Variants in TCEA1 observed in about 807,000 individuals in gnomAD.
The protein encoded by TCEA1 is transcription elongation factor A1, also known as transcription elongation factor A protein 1.
In TCEA1, 21 loss-of-function variants were observed where a neutral mutation model predicts 43.8. The observed-to-expected ratio is 0.48, with a 90% CI of 0.34 to 0.69. The LOEUF (loss-of-function observed/expected upper bound fraction) is 0.69. TCEA1 is among the 30% of genes least tolerant of loss of function. The probability of loss-of-function intolerance (pLI) is 0.01; values close to 1 mark genes in which losing one functional copy is unlikely to be tolerated. For synonymous variants in TCEA1, 104 were observed against 117.5 expected (o/e 0.88, Z 0.75); for missense variants, 250 against 365.1 (o/e 0.68, Z 2.57).
rs115724223 is a variant in TCEA1, at chr8:54,003,903, T to C, written c.127-3853A>G. On this transcript the variant is annotated intron_variant, in intron 2 of 9. Coordinates refer to ENST00000521604, the MANE Select transcript of TCEA1 (RefSeq NM_006756.4). ...AACTCTATGTCTGATAAGCGACTTG[T>C]ATTTGGAATATATAAAGAACTATTA... Among the ~76,000 whole-genome samples, 620 of 151,422 alleles carry C rather than the reference T, an allele frequency of 4.1e-3. 4 individuals are homozygous for C. Among genetic ancestry groups the C allele is most frequent in the African/African-American group, 0.014 (591 of 41,280 alleles).
intron 1 of TCEA1, among the ~76,000 whole-genome samples, chr8:54,019,295 C>T (rs755350837): frequency 3.9e-5 from 6 of 152,036 alleles, no homozygotes; most frequent in Non-Finnish European, 8.8e-5. Flanking sequence ...TCAGGCTGGG[C>T]GCAGTGGCTC....
rs74304176 is a variant in TCEA1, at chr8:53,984,963, T to C, written c.524-446A>G. On this transcript the variant is annotated intron_variant, in intron 6 of 9. Coordinates refer to ENST00000521604, the MANE Select transcript of TCEA1 (RefSeq NM_006756.4). ...AGAGTATGTTAAAAACAAGGTACTATATCTAATTCCTTGAGCTGTAATTGG... is the reference window on the plus strand; with the variant it reads ...AGAGTATGTTAAAAACAAGGTACTACATCTAATTCCTTGAGCTGTAATTGG... Among the ~76,000 whole-genome samples the C allele has an allele frequency of 2.5e-3, 378 of 152,264 alleles. 14 individuals carry two copies. The East Asian group carries it at 0.065, about 26-fold the overall frequency.
intron 1 of TCEA1, 69 bp downstream of exon 1, chr8:54,021,994 G>C (rs995950366): frequency 7.2e-7 from 1 of 1,385,528 alleles, no homozygotes; most frequent in Non-Finnish European, 9.5e-7. Flanking sequence ...GAAGGAGGGA[G>C]GGGGCGGCCC....
chr8:53,978,909 T>C (rs897448316), intron 8 of TCEA1, 116 bp downstream of exon 8: 1 of 1,263,250 alleles, frequency 7.9e-7, no homozygotes, highest in African/African-American at 1.5e-5. Context: ...TTAGAACATA[T>C]CCCTCCATGG....
At chr8:54,019,310 C>T (rs187841208) in intron 1 of TCEA1, among the ~76,000 whole-genome samples, 209 of 152,284 alleles carry the variant, frequency 1.4e-3, no homozygotes, top group African/African-American at 3.7e-3. Flanking sequence ...TGGCTCACAT[C>T]TGTAATCCCA....
In TCEA1 at chr8:54,022,167, G is replaced by A. The variant is rs540050347; in HGVS notation, c.-42C>T. ...CTCCGCGCCCACCCCGCTGGCAAGG[G>A]GAAGTGGGCGAAGCTGGAGCGGAAG... On this transcript the variant is annotated 5_prime_UTR_variant, in exon 1 of 10. Coordinates refer to ENST00000521604, the MANE Select transcript of TCEA1 (RefSeq NM_006756.4). 1.1e-5 allele frequency: 17 copies of A among 1,591,026 alleles called. No homozygotes were observed. The Admixed American group carries it at 1.2e-4, about 11-fold the overall frequency.
At chr8:53,975,153 A>G (rs944061731) in intron 8 of TCEA1, among the ~76,000 whole-genome samples, 15 of 152,124 alleles carry the variant, frequency 9.9e-5, no homozygotes, top group Non-Finnish European at 2.1e-4. Context: ...AAATTTTAAA[A>G]GAGAGGGAAA....
chr8:53,969,049 G>A lies in TCEA1; in HGVS notation c.898-937C>T, dbSNP rs191218653. ...TCACGCCTGTAATCCCAGCACTTTC[G>A]GAGGCCAAGGCAGGCAGATAACCTG... is the stretch of plus-strand genomic sequence containing the variant. On this transcript the variant is annotated intron_variant, in intron 9 of 9. Coordinates refer to ENST00000521604, the MANE Select transcript of TCEA1 (RefSeq NM_006756.4). 3.0e-3 allele frequency among the ~76,000 whole-genome samples: 462 copies of A among 152,190 alleles called. 5 individuals carry two copies. Among genetic ancestry groups the A allele is most frequent in the South Asian group, 6.6e-3 (32 of 4,818 alleles).
At position 53,993,777 on chromosome 8, in the gene TCEA1, A is replaced by C. The variant is rs1378848174; in HGVS notation, c.233-22T>G. 1.9e-6 allele frequency: 3 copies of C among 1,595,064 alleles called. No homozygotes were observed. In the Admixed American group the frequency reaches 5.2e-5, roughly 28 times the overall value. On this transcript the variant is annotated intron_variant, in intron 3 of 9. Coordinates refer to ENST00000521604, the MANE Select transcript of TCEA1 (RefSeq NM_006756.4). Reference sequence around the variant, plus strand: ...CCATCTGAAAATTATGAAATCTCTTAAGTTGCTAGCATTTGTAAAAACTAA... The same window carrying C: ...CCATCTGAAAATTATGAAATCTCTTCAGTTGCTAGCATTTGTAAAAACTAA...
chr8:54,022,016 A>G (rs1805055342), intron 1 of TCEA1, 47 bp downstream of exon 1: 3 of 1,529,000 alleles, frequency 2.0e-6, no homozygotes, highest in Non-Finnish European at 2.6e-6. Flanking sequence ...CTCGGGCCGG[A>G]CCGCGGCCCG....
intron 3 of TCEA1, among the ~76,000 whole-genome samples, chr8:53,996,953 T>A (rs1804075706): frequency 7.0e-6 from 1 of 142,080 alleles, no homozygotes; most frequent in Non-Finnish European, 1.5e-5. Flanking sequence ...AGGCTGGAGT[T>A]CAGTGGCGCG....
At chr8:54,010,188 G>C (rs1804607373) in intron 2 of TCEA1, 1 of 393,296 alleles carries the variant, frequency 2.5e-6, no homozygotes, top group Non-Finnish European at 4.5e-6. Flanking sequence ...CTCACAGTGA[G>C]ATTTCACTGC....
intron 2 of TCEA1, among the ~76,000 whole-genome samples, chr8:54,003,502 G>A (rs1300708001): frequency 6.6e-6 from 1 of 152,180 alleles, no homozygotes; most frequent in Non-Finnish European, 1.5e-5. Flanking sequence ...TGGACGCGCA[G>A]ATCAATGGGA....
intron 3 of TCEA1, among the ~76,000 whole-genome samples, chr8:53,994,808 T>G (rs556603632): frequency 2.0e-5 from 3 of 150,158 alleles, no homozygotes; most frequent in Non-Finnish European, 4.4e-5. Context: ...GAGGCGGAGG[T>G]TGCAGTGAGC....
rs1279472583 is a variant in TCEA1, at chr8:53,976,589, G to C, written c.825+2436C>G. Among the ~76,000 whole-genome samples, 3 of 152,176 alleles carry C rather than the reference G, an allele frequency of 2.0e-5. No homozygotes were observed. In the East Asian group the frequency reaches 5.8e-4, roughly 29 times the overall value. ...TTAGGCTGGGTTCCTTTTGCTAAAA[G>C]AAACAAACTTGGTATTTATGTTTTT... is the stretch of plus-strand genomic sequence containing the variant. On this transcript the variant is annotated intron_variant, in intron 8 of 9. Transcript: ENST00000521604.
intron 3 of TCEA1, among the ~76,000 whole-genome samples, chr8:53,997,430 ATACAC>A (rs1244520140): frequency 2.6e-5 from 4 of 152,144 alleles, no homozygotes; most frequent in Admixed American, 6.5e-5. Flanking sequence ...AGGAAAAACA[ATACAC>A]TATACAGTGT....
chr8:53,979,084 T>C lies in TCEA1; in HGVS notation c.766A>G (p.Thr256Ala). The change falls in exon 8 of 10, where the codon ACC (threonine) becomes GCC (alanine). Residue 256 changes from threonine to alanine, a missense_variant. By Grantham distance (58) the Thr-to-Ala change is moderately conservative (BLOSUM62 0). Around this residue, in one of 4 missense-constraint regions of TCEA1, gnomAD observed 46 missense variants for 109.8 expected, o/e 0.42. Transcript: ENST00000521604. ...REHQMAKTGG[T>A]QTDLFTCGKC... Reference sequence around the variant, plus strand: ...CCACATGTGAACAAGTCAGTCTGGGTCCCACCAGTCTTGGCCATCTGATGC... The same window carrying C: ...CCACATGTGAACAAGTCAGTCTGGGCCCCACCAGTCTTGGCCATCTGATGC... 4 of 1,613,816 alleles carry C rather than the reference T, an allele frequency of 2.5e-6. No homozygotes were observed. In the South Asian group the frequency reaches 4.4e-5, roughly 18 times the overall value.
At chr8:53,994,292 C>G (rs1803976973) in intron 3 of TCEA1, among the ~76,000 whole-genome samples, 1 of 152,102 alleles carries the variant, frequency 6.6e-6, no homozygotes, top group Admixed American at 6.5e-5. Flanking sequence ...CTGCAGTGAG[C>G]CAAGATCACA....
At chr8:54,020,597 C>T (rs940534200) in intron 1 of TCEA1, among the ~76,000 whole-genome samples, 1 of 152,172 alleles carries the variant, frequency 6.6e-6, no homozygotes, top group Admixed American at 6.5e-5. Flanking sequence ...TGGGTCCTGG[C>T]TTATTCCAAA....
Sources: gnomAD v4.1 joint callset for allele counts (sites outside exome capture counted in the v4.1 genomes callset) on GRCh38, gnomAD v4.1.1 for gene constraint, gnomAD v4.1.1 regional missense constraint, MANE v1.5 for transcripts, NCBI Gene and HGNC (gene_info 2026-07-23, HGNC 2026-07-21) for gene names.